Variants in NAV1 observed in about 807,000 individuals in gnomAD.
NAV1 encodes neuron navigator 1, also known as pore membrane and/or filament interacting like protein 3.
A neutral mutation model predicts 175.2 loss-of-function variants in NAV1; 18 were observed. That is an observed-to-expected ratio of 0.10 (90% CI 0.07 to 0.15). The LOEUF is 0.15. Ranked by LOEUF, NAV1 falls within the 10% of genes least tolerant of loss-of-function variation. The pLI, the probability that NAV1 is intolerant of heterozygous loss-of-function variation, is 1.00. For missense variants in NAV1, 1,731 were observed against 2,436.6 expected (o/e 0.71, Z 6.10); for synonymous variants, 897 against 978.7 (o/e 0.92, Z 1.56).
At chr1:201,623,280 A>G (rs1472473868) in exon 1 of NAV1, 4 of 985,972 alleles carry the variant, frequency 4.1e-6, no homozygotes, top group Non-Finnish European at 4.8e-6. Flanking sequence ...AGAAGAAAAA[A>G]GCCCAGGAAG....
At chr1:201,825,277 C>T (rs990444007) in exon 30 of NAV1, 7 of 150,432 alleles carry the variant, frequency 4.7e-5, no homozygotes, top group African/African-American at 7.4e-5. Context: ...GCTCTTCTGC[C>T]GAATTATTTG....
rs1186676002 is a variant in NAV1, at chr1:201,787,012, T to C, written c.2995+435T>C. Among the ~76,000 whole-genome samples, 1 of 152,208 alleles carries C rather than the reference T, an allele frequency of 6.6e-6. No homozygotes were observed. The highest frequency in any genetic ancestry group is 1.9e-4 in the East Asian group (1 of 5,202). On this transcript the variant is annotated intron_variant, in intron 9 of 29. Coordinates refer to ENST00000367296, the Ensembl canonical transcript of NAV1. The surrounding 1 kb of genome is among the most constrained non-coding windows in gnomAD (Gnocchi z 4.3). ...TTGATTGCCAAGGACGAGATCTGCC[T>C]CCAAACTCAGCCAAGTCCAGATTCC...
At position 201,740,222 on chromosome 1, in the gene NAV1, T is replaced by C. The variant is rs530445790; in HGVS notation, c.1226+21467T>C. On this transcript the variant is annotated intron_variant, in intron 3 of 29. Transcript: ENST00000367296. The surrounding 1 kb of genome is among the most constrained non-coding windows in gnomAD (Gnocchi z 4.7). ...GGTGTGGGGTCCGCAAGAAGGAGGG[T>C]CTTGGCCGCGCTCGCTTTTCCGCCA... The C allele has an allele frequency of 6.7e-4, 468 of 693,526 alleles. 4 individuals are homozygous for C. Among genetic ancestry groups the C allele is most frequent in the Middle Eastern group, 1.9e-3 (5 of 2,652 alleles). 43.0% of individuals were successfully genotyped at this position (693,526 alleles called of 1,614,324 possible).
chr1:201,645,236 T>A (rs58679462), upstream of NAV1, among the ~76,000 whole-genome samples: 1,693 of 151,576 alleles, frequency 0.011, 36 homozygotes, highest in African/African-American at 0.039. Context: ...AAATGATGAG[T>A]TCATGTCCTT....
intron 3 of NAV1, among the ~76,000 whole-genome samples, chr1:201,721,597 A>T (rs1672387039): frequency 6.6e-6 from 1 of 152,222 alleles, no homozygotes. Context: ...ATTTCTTAAA[A>T]AACTGTTTTT....
Position 201,813,213 on chromosome 1 carries a change from C to T in NAV1, c.5295C>T (p.Asn1765=), listed in dbSNP as rs1215126110. 2.5e-6 allele frequency: 4 copies of T among 1,614,094 alleles called. No individual in the cohort carries two copies. The highest frequency in any genetic ancestry group is 1.3e-5 in the African/African-American group (1 of 75,034). Reference sequence around the variant, plus strand: ...CCTGGTTCATTGACCTGTGGAACAACTCTATCATTCCCTATCTACAGGAAG... The same window carrying T: ...CCTGGTTCATTGACCTGTGGAACAATTCTATCATTCCCTATCTACAGGAAG... The change falls in exon 28 of 30, where the codon AAC becomes AAT. Residue 1765 remains asparagine, a synonymous_variant. Transcript: ENST00000367296. The surrounding 1 kb of genome is among the most constrained non-coding windows in gnomAD (Gnocchi z 4.2).
chr1:201,621,022 G>A (rs1179278735), upstream of NAV1, among the ~76,000 whole-genome samples: 2 of 151,872 alleles, frequency 1.3e-5, no homozygotes, highest in African/African-American at 4.8e-5. Context: ...CCAGGCTCAA[G>A]CGATCCTCCT....
chr1:201,670,330 G>A (rs1301437956), intron 1 of NAV1, among the ~76,000 whole-genome samples: 10 of 128,054 alleles, frequency 7.8e-5, no homozygotes, highest in African/African-American at 1.8e-4. Context: ...GCAGTGAACC[G>A]AGATCATGCC....
At chr1:201,705,652 T>C (rs1286619087) in intron 1 of NAV1, among the ~76,000 whole-genome samples, 2 of 152,004 alleles carry the variant, frequency 1.3e-5, no homozygotes, top group Non-Finnish European at 2.9e-5. Flanking sequence ...AAAGATAGGA[T>C]TAGTAAGAGA....
chr1:201,781,140 T>C, exon 5 of NAV1: 1 of 1,614,176 alleles, frequency 6.2e-7, no homozygotes, highest in Non-Finnish European at 8.5e-7. Flanking sequence ...CTGGGACTTC[T>C]AAGTGGCGGA....
chr1:201,612,916 C>G (rs1667897190), intron 2 of NAV1, among the ~76,000 whole-genome samples: 2 of 152,002 alleles, frequency 1.3e-5, no homozygotes, highest in Non-Finnish European at 2.9e-5. Context: ...CGAGTCATAT[C>G]TTCAGAGTGG....
At chr1:201,566,883 T>C (rs1266151834) in intron 1 of NAV1, among the ~76,000 whole-genome samples, 1 of 152,158 alleles carries the variant, frequency 6.6e-6, no homozygotes, top group African/African-American at 2.4e-5. Flanking sequence ...CTTAATATTA[T>C]CTCAGATGTT....
rs117457588 is a variant in NAV1, at chr1:201,669,498, G to C, written c.757+20073G>C. Among the ~76,000 whole-genome samples, 267 of 152,208 alleles carry C rather than the reference G, an allele frequency of 1.8e-3. 2 individuals carry two copies. The East Asian group carries it at 0.021, about 12-fold the overall frequency. On this transcript the variant is annotated intron_variant, in intron 1 of 29. Coordinates refer to ENST00000367296, the Ensembl canonical transcript of NAV1. ...GCTGGGAAGATGGGAGGGTGAGAGGGTGGGCTGGGCCAAACAGGGCCTTGT... is the reference window on the plus strand; with the variant it reads ...GCTGGGAAGATGGGAGGGTGAGAGGCTGGGCTGGGCCAAACAGGGCCTTGT...
intron 3 of NAV1, among the ~76,000 whole-genome samples, chr1:201,765,933 T>C (rs1344519715): frequency 3.3e-5 from 5 of 152,248 alleles, no homozygotes; most frequent in East Asian, 1.9e-4. Flanking sequence ...CATTTGAGAA[T>C]TGAACAAATT....
chr1:201,777,621 G>T (rs973664798), intron 3 of NAV1, among the ~76,000 whole-genome samples: 2 of 142,052 alleles, frequency 1.4e-5, no homozygotes, highest in Admixed American at 7.5e-5. Context: ...CCATTCAAAT[G>T]TAATAGTGGG....
chr1:201,799,254 G>A (rs1346418695), intron 15 of NAV1, among the ~76,000 whole-genome samples: 1 of 152,004 alleles, frequency 6.6e-6, no homozygotes, highest in Non-Finnish European at 1.5e-5. Flanking sequence ...ATTAGGTGGA[G>A]GGCATATGGG....
At chr1:201,772,321 G>A (rs1675640007) in intron 3 of NAV1, among the ~76,000 whole-genome samples, 1 of 152,334 alleles carries the variant, frequency 6.6e-6, no homozygotes, top group South Asian at 2.1e-4. Flanking sequence ...TATGTCCACT[G>A]ATGTCAGATC....
Position 201,813,268 on chromosome 1 carries a change from AC to A in NAV1, c.5340+15del. On this transcript the variant is annotated intron_variant, in intron 28 of 29. Coordinates refer to ENST00000367296, the Ensembl canonical transcript of NAV1. The surrounding 1 kb of genome is among the most constrained non-coding windows in gnomAD (Gnocchi z 4.2). ...CAAGGATGGGATAAAGGTGAGCCCT[AC>A]CCCCTTCACTCAAACCCTAAGATCA... is the stretch of plus-strand genomic sequence containing the variant. 2 of 1,548,220 alleles carry A rather than the reference AC, an allele frequency of 1.3e-6. No homozygotes were observed. Among genetic ancestry groups the A allele is most frequent in the Non-Finnish European group, 8.9e-7 (1 of 1,122,248 alleles).
At chr1:201,697,465 G>C (rs942294002) in intron 1 of NAV1, among the ~76,000 whole-genome samples, 1 of 152,168 alleles carries the variant, frequency 6.6e-6, no homozygotes, top group Non-Finnish European at 1.5e-5. Flanking sequence ...CTTGCCCCCA[G>C]CTTTCTCTCT....
Sources: gnomAD v4.1 joint callset for allele counts (sites outside exome capture counted in the v4.1 genomes callset) on GRCh38, gnomAD v4.1.1 for gene constraint, Gnocchi (gnomAD v3.1) non-coding constraint, MANE v1.5 for transcripts, NCBI Gene and HGNC (gene_info 2026-07-23, HGNC 2026-07-21) for gene names.